MORC3: variants seen among roughly 807,000 people sequenced by gnomAD.
MORC3 encodes MORC family CW-type zinc finger 3, also known as MORC family CW-type zinc finger protein 3.
MORC3 carries 31 observed loss-of-function variants against 109.1 expected under a neutral mutation model. That is an observed-to-expected ratio of 0.28 (90% CI 0.21 to 0.38). MORC3 has a LOEUF of 0.38. Ranked by LOEUF, MORC3 falls within the 10% of genes least tolerant of loss-of-function variation. The probability of loss-of-function intolerance (pLI) is 1.00; values close to 1 mark genes in which losing one functional copy is unlikely to be tolerated. For synonymous variants in MORC3, 395 were observed against 380.7 expected, an observed-to-expected ratio of 1.04 and a Z score of -0.44; for missense variants, 867 against 1,135.8, an observed-to-expected ratio of 0.76 and a Z score of 3.40.
At chr21:36,366,019 G>T (rs1343418376) in intron 14 of MORC3, among the ~76,000 whole-genome samples, 1 of 152,182 alleles carries the variant, frequency 6.6e-6, no homozygotes, top group Non-Finnish European at 1.5e-5. Flanking sequence ...TTATAGATAA[G>T]AGATTAAAGG....
At chr21:36,373,512 A>G (rs1905172178) in intron 16 of MORC3, among the ~76,000 whole-genome samples, 1 of 152,034 alleles carries the variant, frequency 6.6e-6, no homozygotes, top group South Asian at 2.1e-4. Flanking sequence ...AACCCCAGCT[A>G]CTTGGGAGGC....
chr21:36,324,458 T>A (rs889961738), intron 1 of MORC3, among the ~76,000 whole-genome samples: 2 of 151,574 alleles, frequency 1.3e-5, no homozygotes, highest in African/African-American at 4.8e-5. Flanking sequence ...TTTGTATTTT[T>A]AGTAGAGACG....
At chr21:36,370,498 G>C (rs1054180096) in intron 15 of MORC3, among the ~76,000 whole-genome samples, 1 of 150,954 alleles carries the variant, frequency 6.6e-6, no homozygotes, top group East Asian at 1.9e-4. Flanking sequence ...CTGCTTTTAA[G>C]TATAGTTAAT....
intron 8 of MORC3, among the ~76,000 whole-genome samples, chr21:36,345,262 T>C (rs1008102925): frequency 1.1e-4 from 17 of 151,554 alleles, no homozygotes; most frequent in Admixed American, 7.9e-4. Context: ...CCTTCCTTTT[T>C]TTTGAGACGG....
chr21:36,345,772 G>A (rs889863418), intron 8 of MORC3, among the ~76,000 whole-genome samples: 7 of 152,024 alleles, frequency 4.6e-5, no homozygotes, highest in African/African-American at 1.7e-4. Context: ...GTCCAGGCTT[G>A]TCCCAAACTC....
rs753917079 is a variant in MORC3, at chr21:36,341,420, C to T, written c.630C>T (p.Phe210=). ...ACAGCTACAAAAATGCAACAGAGTT[C>T]GATTTTGAAAAGGATAAATATGATA... ...NLRSYKNATE[F]DFEKDKYDIR... is the part of the protein sequence containing the mutation. The change falls in exon 6 of 17, where the codon TTC becomes TTT. Residue 210 remains phenylalanine (F), a synonymous_variant. Transcript: ENST00000400485. The T allele has an allele frequency of 1.6e-5, 25 of 1,598,390 alleles. No homozygotes were observed. The Admixed American group carries it at 2.2e-4, about 14-fold the overall frequency.
At chr21:36,355,510 A>G (rs2085635371) in intron 9 of MORC3, among the ~76,000 whole-genome samples, 2 of 152,222 alleles carry the variant, frequency 1.3e-5, no homozygotes, top group Admixed American at 1.3e-4. Flanking sequence ...AGTCCTGATC[A>G]TAAACCTGAC....
At chr21:36,340,098 G>A (rs949617452) in intron 5 of MORC3, among the ~76,000 whole-genome samples, 19 of 152,064 alleles carry the variant, frequency 1.2e-4, no homozygotes, top group African/African-American at 4.3e-4. Context: ...CTAACACGGC[G>A]AAACCCTGTC....
In MORC3 at chr21:36,368,851, T is replaced by C. The variant is rs1292875491; in HGVS notation, c.1620-137T>C. On this transcript the variant is annotated intron_variant, in intron 14 of 16. Coordinates refer to ENST00000400485, the MANE Select transcript of MORC3 (RefSeq NM_015358.3). ...AAGACTGTGCCATTGCACTCTAGCC[T>C]GGGCGACAGAGTGACACTCCATCTC... 44 of 784,684 alleles carry C rather than the reference T, an allele frequency of 5.6e-5. 1 individual carries two copies. The highest frequency in any genetic ancestry group is 8.0e-5 in the Non-Finnish European group (41 of 513,002). The allele number at this position is 784,684 out of a possible 1,614,324, so 48.6% of individuals were successfully genotyped here.
intron 9 of MORC3, among the ~76,000 whole-genome samples, chr21:36,352,971 T>TA (rs777452359): frequency 0.018 from 2,154 of 122,158 alleles, 20 homozygotes; most frequent in Non-Finnish European, 0.023. Context: ...ACCTTTTCTC[T>TA]AAAAAAAAAA....
chr21:36,343,891 C>CTATTTACTAAAATAGTAAATAGCAGA (rs1297954197), intron 6 of MORC3, among the ~76,000 whole-genome samples: 29 of 151,936 alleles, frequency 1.9e-4, no homozygotes, highest in Non-Finnish European at 2.9e-5. Context: ...AGTAGTATTA[C>CTATTTACTAAAATAGTAAATAGCAGA]TATTTACTAA....
chr21:36,348,365 C>G (rs1305170758), intron 8 of MORC3: 1 of 152,194 alleles, frequency 6.6e-6, no homozygotes, highest in Non-Finnish European at 1.5e-5. Context: ...TTTCTGTTCT[C>G]TAAGAAATTG....
chr21:36,357,152 A>G (rs2085654139), intron 10 of MORC3, among the ~76,000 whole-genome samples: 1 of 152,178 alleles, frequency 6.6e-6, no homozygotes, highest in Non-Finnish European at 1.5e-5. Flanking sequence ...CATTAAGAGC[A>G]TTTGCCTCCT....
Position 36,376,282 on chromosome 21 carries a change from G to A in MORC3, c.*986G>A, listed in dbSNP as rs1160908679. 1 of 152,576 alleles carries A rather than the reference G, an allele frequency of 6.6e-6. No individual in the cohort carries two copies. Among genetic ancestry groups the A allele is most frequent in the Admixed American group, 6.5e-5 (1 of 15,268 alleles). The allele number at this position is 152,576 out of a possible 1,614,324, so 9.5% of individuals were successfully genotyped here. ...GTCCCATGTTTTGTGCAATTTTAAA[G>A]AGATGGCTTTCTATTAAGTATAAAC... is the stretch of plus-strand genomic sequence containing the variant. On this transcript the variant is annotated 3_prime_UTR_variant, in exon 17 of 17. Transcript: ENST00000400485.
rs569643334 is a variant in MORC3, at chr21:36,322,128, G to A, written c.39+1825G>A. On this transcript the variant is annotated intron_variant, in intron 1 of 16. Transcript: ENST00000400485. ...GCACCTGTTTTTGTGTGGCCTGAAG[G>A]CTAAGAGTGATTTATACATTTGTAA... 2.6e-5 allele frequency among the ~76,000 whole-genome samples: 4 copies of A among 152,240 alleles called. No individual in the cohort carries two copies. In the East Asian group the frequency reaches 7.7e-4, roughly 29 times the overall value.
intron 14 of MORC3, among the ~76,000 whole-genome samples, chr21:36,366,068 GC>G (rs879456022): frequency 2.0e-5 from 3 of 152,170 alleles, no homozygotes; most frequent in Non-Finnish European, 4.4e-5. Context: ...CAGGGTACAT[GC>G]AGGTTTGTTA....
intron 1 of MORC3, among the ~76,000 whole-genome samples, chr21:36,321,361 G>GTT (rs200416895): frequency 6.6e-6 from 1 of 151,848 alleles, no homozygotes; most frequent in Non-Finnish European, 1.5e-5. Context: ...TTTTTGTTTT[G>GTT]TTTTTTTGAA....
intron 2 of MORC3, among the ~76,000 whole-genome samples, chr21:36,336,261 G>T (rs2085374766): frequency 6.8e-6 from 1 of 146,968 alleles, no homozygotes. Flanking sequence ...TTTGTTTTTG[G>T]AGACAGAGTC....
intron 1 of MORC3, among the ~76,000 whole-genome samples, chr21:36,329,444 A>T (rs896665205): frequency 6.6e-6 from 1 of 152,152 alleles, no homozygotes; most frequent in Non-Finnish European, 1.5e-5. Context: ...TGAGCATTAT[A>T]GCACATTATC....
Sources: gnomAD v4.1 joint callset for allele counts (sites outside exome capture counted in the v4.1 genomes callset) on GRCh38, gnomAD v4.1.1 for gene constraint, MANE v1.5 for transcripts, NCBI Gene and HGNC (gene_info 2026-07-23, HGNC 2026-07-21) for gene names.